The following SHANK1 variants were observed in gnomAD, a reference collection of about 807,000 sequenced individuals.
The protein encoded by SHANK1 is SH3 and multiple ankyrin repeat domains protein 1.
SHANK1 carries 35 observed loss-of-function variants against 165.6 expected under a neutral mutation model. The ratio of observed to expected loss-of-function variants is 0.21; its 90% CI spans 0.16 to 0.28. The LOEUF is 0.28. SHANK1 is among the 10% of genes least tolerant of loss of function. The pLI is 1.00. For synonymous variants in SHANK1, 1,428 were observed against 1,384.8 expected (o/e 1.03, Z -0.69); for missense variants, 2,681 against 3,036.4 (o/e 0.88, Z 2.75).
intron 6 of SHANK1, 134 bp from the exon 7 acceptor site, chr19:50,712,248 T>C: frequency 1.1e-6 from 1 of 888,438 alleles, no homozygotes; most frequent in Non-Finnish European, 1.7e-6. Context: ...AGTTCTGCCG[T>C]GATGCCCTTG....
chr19:50,689,246 C>T lies in SHANK1; in HGVS notation c.1998G>A (p.Leu666=), dbSNP rs749839728. Residue 666 remains leucine, a synonymous_variant, in exon 16 of 24, where the codon CTG becomes CTA. Transcript: ENST00000293441. ...DYIIKEKTVL[L]QKKDSEGFGF... is the part of the protein sequence containing the mutation. ...CAAACCCCTCACTGTCCTTCTTCTG[C>T]AGCAAGACTGTCTTCTCCTTAATGA... is the stretch of plus-strand genomic sequence containing the variant. 10 of 1,611,766 alleles carry T rather than the reference C, an allele frequency of 6.2e-6. 1 individual carries two copies. In the South Asian group the frequency reaches 1.1e-4, roughly 18 times the overall value.
intron 23 of SHANK1, among the ~76,000 whole-genome samples, chr19:50,664,711 C>T (rs994119000): frequency 6.6e-6 from 1 of 152,190 alleles, no homozygotes; most frequent in Non-Finnish European, 1.5e-5. Flanking sequence ...TGGCAGCTCA[C>T]CAAGGAAACA....
chr19:50,719,087 T>C (rs1343766116), intron 1 of SHANK1, among the ~76,000 whole-genome samples: 1 of 46,318 alleles, frequency 2.2e-5, no homozygotes, highest in Non-Finnish European at 4.2e-5. Context: ...GTGGCCGGGC[T>C]GGGCGGGGAG....
chr19:50,698,114 C>A (rs1986799719), intron 12 of SHANK1, among the ~76,000 whole-genome samples, 158 bp from the exon 13 acceptor site: 1 of 152,176 alleles, frequency 6.6e-6, no homozygotes, highest in Admixed American at 6.5e-5. Context: ...TTGGGGGAGA[C>A]CCATATCATA....
intron 23 of SHANK1, among the ~76,000 whole-genome samples, chr19:50,663,642 C>T (rs1199550745): frequency 6.6e-6 from 1 of 151,866 alleles, no homozygotes; most frequent in Non-Finnish European, 1.5e-5. Flanking sequence ...CAGGGGATCC[C>T]ATCACCCAGA....
chr19:50,686,411 AC>A lies in SHANK1; in HGVS notation c.2459-57del. 1 of 1,315,044 alleles carries A rather than the reference AC, an allele frequency of 7.6e-7. No homozygotes were observed. Among genetic ancestry groups the A allele is most frequent in the South Asian group, 1.4e-5 (1 of 72,558 alleles). The allele number at this position is 1,315,044 out of a possible 1,614,324, so 81.5% of individuals were successfully genotyped here. ...AGACAATGAAATGAAGTTTGCTTTG[AC>A]CCGGGCCGCAAAGACCAGAGCTGCC... On this transcript the variant is annotated intron_variant, in intron 20 of 23. Coordinates refer to ENST00000293441, the MANE Select transcript of SHANK1 (RefSeq NM_016148.5). The surrounding 1 kb of genome is among the most constrained non-coding windows in gnomAD (Gnocchi z 5.7).
chr19:50,701,023 G>T (rs1568440771), intron 12 of SHANK1, among the ~76,000 whole-genome samples: 2 of 152,128 alleles, frequency 1.3e-5, no homozygotes, highest in Non-Finnish European at 2.9e-5. Context: ...TGGGAAGAGA[G>T]ACTAGGAAAC....
intron 15 of SHANK1, among the ~76,000 whole-genome samples, chr19:50,694,019 CCACACACACACACACA>C (rs398034977): frequency 3.2e-4 from 44 of 138,686 alleles, no homozygotes; most frequent in Admixed American, 7.1e-4. Context: ...CCAGCACACA[CCACACACACACACACA>C]CACACACACA....
At position 50,688,976 on chromosome 19, in the gene SHANK1, C is replaced by A. The variant is rs764112317; in HGVS notation, c.2048-8G>T. 5.8e-4 allele frequency: 899 copies of A among 1,538,364 alleles called. 1 individual carries two copies. The highest frequency in any genetic ancestry group is 7.1e-4 in the Non-Finnish European group (810 of 1,137,038). On this transcript the variant is annotated splice_polypyrimidine_tract_variant and splice_region_variant and intron_variant, in intron 16 of 23. Coordinates refer to ENST00000293441, the MANE Select transcript of SHANK1 (RefSeq NM_016148.5). The surrounding 1 kb of genome is among the most constrained non-coding windows in gnomAD (Gnocchi z 6.7). ...CCTCGATGGGGGTCTGCGCTGCAGA[C>A]AGGGAGGAGCCGGCGGGGTCGGAGG...
At chr19:50,664,198 G>T (rs747160082) in intron 23 of SHANK1, among the ~76,000 whole-genome samples, 1 of 151,050 alleles carries the variant, frequency 6.6e-6, no homozygotes, top group African/African-American at 2.4e-5. Context: ...CACATTTGAA[G>T]GTCAGACACA....
chr19:50,689,104 G>T, intron 16 of SHANK1, 93 bp downstream of exon 16: 1 of 1,193,040 alleles, frequency 8.4e-7, no homozygotes, highest in Non-Finnish European at 1.2e-6. Context: ...TGGTGGGCGG[G>T]CTGGGGTCCC....
Position 50,667,667 on chromosome 19 carries a change from C to G in SHANK1, c.4293G>C (p.Lys1431Asn). 1 of 1,391,184 alleles carries G rather than the reference C, an allele frequency of 7.2e-7. No homozygotes were observed. The highest frequency in any genetic ancestry group is 9.2e-7 in the Non-Finnish European group (1 of 1,081,682). The allele number at this position is 1,391,184 out of a possible 1,614,324, so 86.2% of individuals were successfully genotyped here. A position where few individuals can be genotyped will look rare whatever the true frequency, so the allele number is the denominator to read the frequency against. ...CGGCGGGCGGGCTGGCGGGAAGGGA[C>G]TTCTCCTGGCTGCCCAGCCCGGCCC... ...GYRAGLGSQE[K>N]SLPASPPAAR... Residue 1431 changes from lysine to asparagine, a missense_variant, in exon 23 of 24, where the codon AAG becomes AAC. Lys to Asn is a moderately conservative substitution (Grantham distance 94, BLOSUM62 0). Coordinates refer to ENST00000293441, the MANE Select transcript of SHANK1 (RefSeq NM_016148.5). This position sits in a 1 kb window ranked among gnomAD's most constrained non-coding sequence, Gnocchi z 5.7.
In SHANK1 at chr19:50,677,046, T is replaced by C. The variant is rs189237888; in HGVS notation, c.2578-4932A>G. Among the ~76,000 whole-genome samples, 15 of 152,072 alleles carry C rather than the reference T, an allele frequency of 9.9e-5. No individual in the cohort carries two copies. In the East Asian group the frequency reaches 2.9e-3, roughly 29 times the overall value. On this transcript the variant is annotated intron_variant, in intron 21 of 23. Coordinates refer to ENST00000293441, the MANE Select transcript of SHANK1 (RefSeq NM_016148.5). ...TCTGCAGTTGGAAACATGGCTAAGA[T>C]GGTGGAGCAGAAATTGAGAAGGATT...
At chr19:50,709,582 C>T (rs1471066455) in intron 8 of SHANK1, among the ~76,000 whole-genome samples, 2 of 152,124 alleles carry the variant, frequency 1.3e-5, no homozygotes, top group African/African-American at 2.4e-5. Flanking sequence ...CAGGGTCTCA[C>T]TCTGTCACCC....
intron 8 of SHANK1, chr19:50,711,065 G>A (rs1010271991): frequency 3.3e-6 from 1 of 304,144 alleles, no homozygotes; most frequent in African/African-American, 2.1e-5. Context: ...TTTGCTCTGA[G>A]CACTCTGGAC....
At chr19:50,692,129 C>T (rs909601713) in intron 15 of SHANK1, among the ~76,000 whole-genome samples, 3 of 152,166 alleles carry the variant, frequency 2.0e-5, no homozygotes, top group Admixed American at 6.5e-5. Context: ...TCCACAGCAC[C>T]GAAATACCTT....
chr19:50,662,826 A>G lies in SHANK1; in HGVS notation c.5769-144T>C. ...GAGAGACGGAGGAGAGACGGGAAGAAATGGAGGGAGCAAGGGGTAAGACGG... is the reference window on the plus strand; with the variant it reads ...GAGAGACGGAGGAGAGACGGGAAGAGATGGAGGGAGCAAGGGGTAAGACGG... On this transcript the variant is annotated intron_variant, in intron 23 of 23. Coordinates refer to ENST00000293441, the MANE Select transcript of SHANK1 (RefSeq NM_016148.5). This position sits in a 1 kb window ranked among gnomAD's most constrained non-coding sequence, Gnocchi z 7.7. 2.4e-6 allele frequency: 2 copies of G among 850,342 alleles called. No individual in the cohort carries two copies. Among genetic ancestry groups the G allele is most frequent in the Admixed American group, 4.9e-5 (2 of 40,576 alleles). The allele number at this position is 850,342 out of a possible 1,614,324, so 52.7% of individuals were successfully genotyped here.
In SHANK1 at chr19:50,702,050, A is replaced by C. The variant is rs2123171961; in HGVS notation, c.1747+417T>G. 6.6e-6 allele frequency among the ~76,000 whole-genome samples: 1 copy of C among 152,290 alleles called. No homozygotes were observed. The highest frequency in any genetic ancestry group is 2.4e-5 in the African/African-American group (1 of 41,560). ...GGCAAAGTTAAGGCTGCTCGGCCTC[A>C]CGCTCTGCACCAGGTGGCAGGAAGG... On this transcript the variant is annotated intron_variant, in intron 12 of 23. Coordinates refer to ENST00000293441, the MANE Select transcript of SHANK1 (RefSeq NM_016148.5). This position sits in a 1 kb window ranked among gnomAD's most constrained non-coding sequence, Gnocchi z 5.3.
At chr19:50,672,198 CG>C (rs1276188769) in intron 21 of SHANK1, 84 bp from the exon 22 acceptor site, 2 of 1,090,444 alleles carry the variant, frequency 1.8e-6, no homozygotes, top group East Asian at 5.1e-5. Flanking sequence ...CTTCACTATA[CG>C]GCTGCCCCCA....
Sources: allele counts gnomAD v4.1 joint callset (sites outside exome capture counted in the v4.1 genomes callset), GRCh38; gene constraint gnomAD v4.1.1; non-coding constraint Gnocchi (gnomAD v3.1); transcripts MANE v1.5; gene names NCBI Gene and HGNC (gene_info 2026-07-23, HGNC 2026-07-21).